The following CECR2 variants were observed in gnomAD, a reference collection of about 807,000 sequenced individuals.
CECR2 encodes the protein CECR2 histone acetyl-lysine reader.
In CECR2, 30 loss-of-function variants were observed where a neutral mutation model predicts 154.5. The observed-to-expected ratio is 0.19, with a 90% CI of 0.15 to 0.26. The LOEUF (loss-of-function observed/expected upper bound fraction) is 0.26, where lower values mean the gene tolerates loss of function less well. Among genes scored for constraint, CECR2 ranks in the 10% least tolerant of loss-of-function variants. The pLI is 1.00. For synonymous variants in CECR2, 725 were observed against 683.7 expected (o/e 1.06, Z -0.94); for missense variants, 1,743 against 1,829.3 (o/e 0.95, Z 0.86).
At chr22:17,473,920 A>G (rs1362379237) in intron 1 of CECR2, among the ~76,000 whole-genome samples, 1 of 152,228 alleles carries the variant, frequency 6.6e-6, no homozygotes, top group African/African-American at 2.4e-5. Context: ...TTTGTTCTGC[A>G]GGATTAAAAA....
intron 13 of CECR2, among the ~76,000 whole-genome samples, chr22:17,539,753 A>G (rs529315783): frequency 2.6e-5 from 4 of 152,318 alleles, no homozygotes; most frequent in African/African-American, 9.6e-5. Flanking sequence ...GCCCTGCTTA[A>G]AAACAGCAGA....
chr22:17,495,806 G>T (rs1379892219), intron 2 of CECR2, among the ~76,000 whole-genome samples: 1 of 140,544 alleles, frequency 7.1e-6, no homozygotes, highest in East Asian at 2.1e-4. Context: ...AGCTTGCAGT[G>T]AGCCAAGATC....
intron 1 of CECR2, among the ~76,000 whole-genome samples, chr22:17,399,836 G>A (rs74490699): frequency 0.027 from 4,084 of 152,204 alleles, 203 homozygotes; most frequent in African/African-American, 0.093. Flanking sequence ...CCAACTTTCA[G>A]TATTTGAATT....
At chr22:17,482,923 C>T (rs2055353756) in intron 2 of CECR2, among the ~76,000 whole-genome samples, 1 of 152,080 alleles carries the variant, frequency 6.6e-6, no homozygotes, top group Admixed American at 6.6e-5. Flanking sequence ...CCTCGTGATC[C>T]TCCCACCTTG....
intron 10 of CECR2, among the ~76,000 whole-genome samples, chr22:17,537,839 T>G (rs531600991): frequency 6.6e-6 from 1 of 151,940 alleles, no homozygotes; most frequent in South Asian, 2.1e-4. Context: ...AATAAAAATT[T>G]TAAAAAAAAT....
chr22:17,533,599 C>T (rs2056392777), intron 9 of CECR2, among the ~76,000 whole-genome samples: 1 of 151,888 alleles, frequency 6.6e-6, no homozygotes, highest in African/African-American at 2.4e-5. Context: ...CATTGCACTC[C>T]AGCCTGGGTG....
At chr22:17,531,438 C>G (rs1367642497) in intron 9 of CECR2, among the ~76,000 whole-genome samples, 1 of 152,128 alleles carries the variant, frequency 6.6e-6, no homozygotes, top group Admixed American at 6.6e-5. Flanking sequence ...CTCTGATGCT[C>G]CCTTTGGTAG....
At position 17,557,111 on chromosome 22, in the gene CECR2, G is replaced by A. The variant is rs1035654847; in HGVS notation, c.*4271G>A. On this transcript the variant is annotated 3_prime_UTR_variant, in exon 19 of 19. Coordinates refer to ENST00000262608, the MANE Select transcript of CECR2 (RefSeq NM_001290047.2). ...TTTCCCCTTGGGACAGTAGTGTTTG[G>A]GTGAATGTTACTGCATCCCGTTTTT... is the stretch of plus-strand genomic sequence containing the variant. 2.0e-5 allele frequency: 3 copies of A among 151,494 alleles called. No homozygotes were observed. Among genetic ancestry groups the A allele is most frequent in the Non-Finnish European group, 4.4e-5 (3 of 67,924 alleles). 9.4% of individuals were successfully genotyped at this position (151,494 alleles called of 1,614,324 possible).
chr22:17,484,203 C>T (rs1432964509), intron 2 of CECR2, among the ~76,000 whole-genome samples: 1 of 152,178 alleles, frequency 6.6e-6, no homozygotes, highest in Non-Finnish European at 1.5e-5. Context: ...TTTAGGCCCT[C>T]ACTTGCAACA....
intron 17 of CECR2, 113 bp from the exon 18 acceptor site, chr22:17,551,918 A>T: frequency 2.0e-6 from 2 of 976,694 alleles, no homozygotes; most frequent in Non-Finnish European, 3.1e-6. Flanking sequence ...GGATGATTCC[A>T]GGCCTGATCA....
At chr22:17,365,510 C>T (rs1414777843), upstream of CECR2, among the ~76,000 whole-genome samples, 2 of 151,434 alleles carry the variant, frequency 1.3e-5, no homozygotes, top group East Asian at 3.9e-4. Context: ...CTGGCTAACA[C>T]GGTGAAACCC....
chr22:17,457,318 C>T lies in CECR2; in HGVS notation c.127-20270C>T, dbSNP rs557529610. On this transcript the variant is annotated intron_variant, in intron 1 of 18. Transcript: ENST00000262608. Reference sequence around the variant, plus strand: ...CTGGGATTACAGGCGTGAGCCACTGCGCCTGGCCTATATTTACTAGTTTTG... The same window carrying T: ...CTGGGATTACAGGCGTGAGCCACTGTGCCTGGCCTATATTTACTAGTTTTG... Among the ~76,000 whole-genome samples, 8 of 152,350 alleles carry T rather than the reference C, an allele frequency of 5.3e-5. No individual in the cohort carries two copies. The South Asian group carries it at 1.0e-3, about 20-fold the overall frequency.
At chr22:17,412,354 G>A (rs1278736157) in intron 1 of CECR2, among the ~76,000 whole-genome samples, 9 of 152,170 alleles carry the variant, frequency 5.9e-5, no homozygotes, top group Admixed American at 2.6e-4. Flanking sequence ...TTACAGTTGC[G>A]CGTCATTTTC....
chr22:17,398,928 G>T (rs1403867904), intron 1 of CECR2, among the ~76,000 whole-genome samples: 1 of 152,198 alleles, frequency 6.6e-6, no homozygotes, highest in Non-Finnish European at 1.5e-5. Context: ...AATTGGACAG[G>T]TTGAATCAGG....
intron 1 of CECR2, chr22:17,428,190 T>A (rs938694688): frequency 2.6e-5 from 4 of 152,166 alleles, no homozygotes; most frequent in African/African-American, 7.2e-5. Flanking sequence ...TTCTTGTAAA[T>A]TTAAGTTGTT....
chr22:17,463,392 A>G (rs1216837910), intron 1 of CECR2, among the ~76,000 whole-genome samples: 1 of 152,200 alleles, frequency 6.6e-6, no homozygotes, highest in Non-Finnish European at 1.5e-5. Flanking sequence ...TGAGGAGCAG[A>G]CAGAGAGAAG....
At chr22:17,550,908 C>T (rs1047185599) in intron 17 of CECR2, among the ~76,000 whole-genome samples, 1 of 152,020 alleles carries the variant, frequency 6.6e-6, no homozygotes, top group Non-Finnish European at 1.5e-5. Context: ...TGCCACTGCA[C>T]TCCAGCCTGG....
chr22:17,552,780 T>TTTGTTTTTTTTG (rs2056728410), intron 18 of CECR2, 55 bp from the exon 19 acceptor site: 1 of 1,355,948 alleles, frequency 7.4e-7, no homozygotes, highest in African/African-American at 1.5e-5. Context: ...TTAAGTTTTT[T>TTTGTTTTTTTTG]TTTTTTTAAC....
At chr22:17,453,212 C>T (rs564862104) in intron 1 of CECR2, among the ~76,000 whole-genome samples, 6 of 152,232 alleles carry the variant, frequency 3.9e-5, no homozygotes, top group African/African-American at 9.6e-5. Flanking sequence ...GAGGCCGAGG[C>T]GGGTGGATCA....
Sources: gnomAD v4.1 joint callset for allele counts (sites outside exome capture counted in the v4.1 genomes callset) on GRCh38, gnomAD v4.1.1 for gene constraint, MANE v1.5 for transcripts, NCBI Gene and HGNC (gene_info 2026-07-23, HGNC 2026-07-21) for gene names.